Variants in RHEB observed in about 807,000 individuals in gnomAD.
RHEB encodes Ras homolog, mTORC1 binding.
Under a neutral mutation model 28.8 loss-of-function variants are expected in RHEB, and 2 were observed. The observed-to-expected ratio is 0.07, with a 90% CI of 0.03 to 0.22. RHEB has a LOEUF of 0.22. RHEB is among the 10% of genes least tolerant of loss of function. RHEB has a pLI of 1.00. For missense variants in RHEB, 76 were observed against 219.9 expected, an observed-to-expected ratio of 0.35 and a Z score of 4.14; for synonymous variants, 69 against 77.3, an observed-to-expected ratio of 0.89 and a Z score of 0.56.
At chr7:151,482,783 A>G (rs2150925519) in intron 3 of RHEB, among the ~76,000 whole-genome samples, 1 of 152,328 alleles carries the variant, frequency 6.6e-6, no homozygotes, top group Non-Finnish European at 1.5e-5. Context: ...GGTTTAGGCA[A>G]TAAATTATAT....
intron 2 of RHEB, among the ~76,000 whole-genome samples, chr7:151,487,655 T>C (rs899898565): frequency 1.7e-4 from 26 of 152,164 alleles, no homozygotes; most frequent in African/African-American, 5.6e-4. Flanking sequence ...TTTTTTACTA[T>C]AGAAAAAAGG....
At chr7:151,512,761 C>T (rs762914042) in intron 1 of RHEB, among the ~76,000 whole-genome samples, 1 of 152,196 alleles carries the variant, frequency 6.6e-6, no homozygotes, top group Non-Finnish European at 1.5e-5. Context: ...TCCTAGCTTA[C>T]AACAGTTTAA....
intron 1 of RHEB, among the ~76,000 whole-genome samples, chr7:151,515,403 G>A (rs1180915799): frequency 6.6e-6 from 1 of 152,260 alleles, no homozygotes; most frequent in East Asian, 1.9e-4. Flanking sequence ...GAAGTACAGA[G>A]AGATATAACC....
Position 151,489,186 on chromosome 7 carries a change from T to C in RHEB, c.124+1757A>G, listed in dbSNP as rs1428880841. Among the ~76,000 whole-genome samples, 5 of 152,244 alleles carry C rather than the reference T, an allele frequency of 3.3e-5. No homozygotes were observed. The South Asian group carries it at 8.3e-4, about 25-fold the overall frequency. On this transcript the variant is annotated intron_variant, in intron 2 of 7. Coordinates refer to ENST00000262187, the MANE Select transcript of RHEB (RefSeq NM_005614.4). The stretch of plus-strand genomic sequence containing the variant: ...CGAAGAAAACAATCTTCTATTGTTC[T>C]GTTAATACAATTCCAAAATGAACCT...
chr7:151,513,432 A>C (rs1803024866), intron 1 of RHEB, among the ~76,000 whole-genome samples: 2 of 152,290 alleles, frequency 1.3e-5, no homozygotes, highest in African/African-American at 4.8e-5. Context: ...TGCACCACTC[A>C]TAGCGAACAG....
At chr7:151,477,710 G>C in intron 3 of RHEB, among the ~76,000 whole-genome samples, 1 of 152,190 alleles carries the variant, frequency 6.6e-6, no homozygotes, top group Non-Finnish European at 1.5e-5. Flanking sequence ...TTGGCTCTGT[G>C]ATCTCAAAAC....
chr7:151,476,737 T>C (rs577249424), intron 4 of RHEB, among the ~76,000 whole-genome samples: 42 of 152,324 alleles, frequency 2.8e-4, no homozygotes, highest in African/African-American at 9.1e-4. Flanking sequence ...CTGTCACCAA[T>C]GCCCAGAGCT....
intron 1 of RHEB, among the ~76,000 whole-genome samples, chr7:151,513,915 C>CA (rs1164295966): frequency 6.6e-6 from 1 of 152,104 alleles, no homozygotes; most frequent in African/African-American, 2.4e-5. Flanking sequence ...TCCTAAAATT[C>CA]AATATGGAAA....
chr7:151,498,764 C>T (rs1802717740), intron 1 of RHEB, among the ~76,000 whole-genome samples: 2 of 152,136 alleles, frequency 1.3e-5, no homozygotes, highest in African/African-American at 4.8e-5. Flanking sequence ...TAAACCTCTA[C>T]CTAGTTTCAT....
At chr7:151,503,369 T>C (rs1334316623) in intron 1 of RHEB, 3 of 952,698 alleles carry the variant, frequency 3.1e-6, no homozygotes, top group African/African-American at 1.6e-5. Context: ...GTGAAAGGAT[T>C]TGGTGGAATT....
intron 3 of RHEB, among the ~76,000 whole-genome samples, chr7:151,479,682 C>CAAAAA (rs10690355): frequency 8.8e-6 from 1 of 113,284 alleles, no homozygotes; most frequent in African/African-American, 3.4e-5. Flanking sequence ...GACTCCGTCT[C>CAAAAA]AAAAAAAAAA....
intron 6 of RHEB, 143 bp from the exon 7 acceptor site, chr7:151,470,795 A>C: frequency 1.7e-6 from 1 of 596,698 alleles, no homozygotes; most frequent in Non-Finnish European, 3.0e-6. Flanking sequence ...ATTAGCATCA[A>C]GAATGTAACA....
Position 151,471,722 on chromosome 7 carries a change from A to G in RHEB, c.276-117T>C, listed in dbSNP as rs1802164936. 5.8e-6 allele frequency: 4 copies of G among 684,534 alleles called. No homozygotes were observed. In the Admixed American group the frequency reaches 1.2e-4, roughly 20 times the overall value. 42.4% of individuals were successfully genotyped at this position (684,534 alleles called of 1,614,324 possible). On this transcript the variant is annotated intron_variant, in intron 4 of 7. Transcript: ENST00000262187. ...CACAGACTCACCATTTTAACATAACATAAAATGAACACAAAGAACTCCTGT... is the reference window on the plus strand; with the variant it reads ...CACAGACTCACCATTTTAACATAACGTAAAATGAACACAAAGAACTCCTGT...
chr7:151,508,713 G>A lies in RHEB; in HGVS notation c.52+10747C>T, dbSNP rs575922432. ...GCTGTGTTGCCCAGGTTGTTCTGGAGCTCCTGAGCTCAAGTGGTCCTCTCA... is the reference window on the plus strand; with the variant it reads ...GCTGTGTTGCCCAGGTTGTTCTGGAACTCCTGAGCTCAAGTGGTCCTCTCA... On this transcript the variant is annotated intron_variant, in intron 1 of 7. Coordinates refer to ENST00000262187, the MANE Select transcript of RHEB (RefSeq NM_005614.4). Among the ~76,000 whole-genome samples, 14 of 151,074 alleles carry A rather than the reference G, an allele frequency of 9.3e-5. No individual in the cohort carries two copies. In the South Asian group the frequency reaches 2.9e-3, roughly 32 times the overall value.
At chr7:151,493,877 G>A (rs1038518084) in intron 1 of RHEB, among the ~76,000 whole-genome samples, 2 of 151,566 alleles carry the variant, frequency 1.3e-5, no homozygotes, top group African/African-American at 4.8e-5. Flanking sequence ...TATTGAAACT[G>A]AAAAATTAGA....
rs1211102787 is a variant in RHEB, at chr7:151,472,802, A to G, written c.276-1197T>C. Among the ~76,000 whole-genome samples the G allele has an allele frequency of 6.6e-6, 1 of 152,252 alleles. No homozygotes were observed. The highest frequency in any genetic ancestry group is 1.5e-5 in the Non-Finnish European group (1 of 68,040). On this transcript the variant is annotated intron_variant, in intron 4 of 7. Transcript: ENST00000262187. This position sits in a 1 kb window ranked among gnomAD's most constrained non-coding sequence, Gnocchi z 5.2. Reference sequence around the variant, plus strand: ...AATGAATTACACACTGTGCTATTTTAAACGATGTGTGCTGTCATTTGATAA... The same window carrying G: ...AATGAATTACACACTGTGCTATTTTGAACGATGTGTGCTGTCATTTGATAA...
chr7:151,490,927 TGA>T lies in RHEB; in HGVS notation c.124+14_124+15del. 6.3e-7 allele frequency: 1 copy of T among 1,592,948 alleles called. No individual in the cohort carries two copies. Among genetic ancestry groups the T allele is most frequent in the East Asian group, 2.2e-5 (1 of 44,778 alleles). On this transcript the variant is annotated intron_variant, in intron 2 of 7. Transcript: ENST00000262187. ...GAAGGCTTCTCAGTTTTTAAGTACTTGAAAACAATACTTACTGTTTTCTATGG... is the reference window on the plus strand; with the variant it reads ...GAAGGCTTCTCAGTTTTTAAGTACTTAAACAATACTTACTGTTTTCTATGG...
At chr7:151,500,290 CA>C (rs761626064) in intron 1 of RHEB, among the ~76,000 whole-genome samples, 1 of 150,430 alleles carries the variant, frequency 6.6e-6, no homozygotes, top group African/African-American at 2.4e-5. Flanking sequence ...TACAAACCAA[CA>C]AAAAAAAGGA....
At chr7:151,481,382 G>A (rs532282255) in intron 3 of RHEB, among the ~76,000 whole-genome samples, 1 of 152,238 alleles carries the variant, frequency 6.6e-6, no homozygotes, top group South Asian at 2.1e-4. Context: ...AATTCACTGC[G>A]TGCAATTTCA....
Sources: gnomAD v4.1 joint callset for allele counts (sites outside exome capture counted in the v4.1 genomes callset) on GRCh38, gnomAD v4.1.1 for gene constraint, Gnocchi (gnomAD v3.1) non-coding constraint, MANE v1.5 for transcripts, NCBI Gene and HGNC (gene_info 2026-07-23, HGNC 2026-07-21) for gene names.